HPS3: variants seen among roughly 807,000 people sequenced by gnomAD.
HPS3 encodes BLOC-2 complex member HPS3.
In HPS3, 79 loss-of-function variants were observed where a neutral mutation model predicts 110.9. The ratio of observed to expected loss-of-function variants is 0.71; its 90% CI spans 0.59 to 0.86. The LOEUF (loss-of-function observed/expected upper bound fraction) is 0.86, where lower values mean the gene tolerates loss of function less well. HPS3 is among the 40% of genes least tolerant of loss of function. HPS3 has a pLI of 0.00. For synonymous variants in HPS3, 428 were observed against 451.0 expected (o/e 0.95, Z 0.65); for missense variants, 1,197 against 1,206.2 (o/e 0.99, Z 0.11).
chr3:149,141,096 A>C lies in HPS3; in HGVS notation c.792A>C (p.Lys264Asn). ...CQKPLELLGE[K>N]SEQSGLSVTL... ...AGCCCCTGGAACTTCTTGGTGAAAA[A>C]AGTGAACAGTCTGGATTATCTGTTA... is the stretch of plus-strand genomic sequence containing the variant. The change falls in exon 3 of 17, where the codon AAA becomes AAC. Residue 264 changes from lysine (K) to asparagine (N), a missense_variant. By Grantham distance (94) the Lys-to-Asn change is moderately conservative. Transcript: ENST00000296051. 6.2e-7 allele frequency: 1 copy of C among 1,613,918 alleles called. No individual in the cohort carries two copies. Among genetic ancestry groups the C allele is most frequent in the Non-Finnish European group, 8.5e-7 (1 of 1,179,898 alleles).
At chr3:149,150,752 T>C in intron 6 of HPS3, 72 bp downstream of exon 6, 2 of 1,196,748 alleles carry the variant, frequency 1.7e-6, no homozygotes, top group Non-Finnish European at 2.5e-6. Context: ...GTAGATTTGC[T>C]CTCAGACCTA....
intron 8 of HPS3, among the ~76,000 whole-genome samples, chr3:149,156,683 A>G (rs1003352271): frequency 1.3e-5 from 2 of 151,216 alleles, no homozygotes; most frequent in African/African-American, 4.9e-5. Flanking sequence ...CTGTTCATCT[A>G]CCCCTCTTTG....
intron 16 of HPS3, chr3:149,170,687 A>G (rs1724887869): frequency 6.6e-6 from 1 of 152,224 alleles, no homozygotes; most frequent in Non-Finnish European, 1.5e-5. Context: ...CAACAAAGGC[A>G]GTTCATTCTT....
At chr3:149,160,354 G>A in intron 11 of HPS3, 75 bp downstream of exon 11, 1 of 961,348 alleles carries the variant, frequency 1.0e-6, no homozygotes, top group South Asian at 1.3e-5. Context: ...GCTGTCTTCT[G>A]GCTTCTTTCT....
In HPS3 at chr3:149,167,188, G is replaced by A. The variant is rs528838257; in HGVS notation, c.2744G>A (p.Cys915Tyr). The change falls in exon 15 of 17, where the codon TGC (cysteine) becomes TAC (tyrosine). Residue 915 changes from cysteine to tyrosine, a missense_variant. Transcript: ENST00000296051. ...TGCATAGACATACTGTTAGAGAGAT[G>A]CCCGGAGGCAGTCATTCCATATGCT... ...EQCIDILLER[C>Y]PEAVIPYANH... The A allele has an allele frequency of 5.0e-6, 8 of 1,613,886 alleles. No homozygotes were observed. In the South Asian group the frequency reaches 8.8e-5, roughly 18 times the overall value.
intron 16 of HPS3, among the ~76,000 whole-genome samples, chr3:149,170,908 C>A (rs891531655): frequency 9.9e-5 from 15 of 152,206 alleles, no homozygotes; most frequent in African/African-American, 3.6e-4. Context: ...CGGGAGAGGG[C>A]AGCATGTATC....
In HPS3 at chr3:149,167,168, A is replaced by G; in HGVS notation, c.2724A>G (p.Ile908Met). The G allele has an allele frequency of 6.2e-7, 1 of 1,613,330 alleles. No individual in the cohort carries two copies. Among genetic ancestry groups the G allele is most frequent in the East Asian group, 2.2e-5 (1 of 44,874 alleles). ...GCTTGAAAGAGTATGAACAGTGCAT[A>G]GACATACTGTTAGAGAGATGCCCGG... ...RTRLKEYEQC[I>M]DILLERCPEA... The change falls in exon 15 of 17, where the codon ATA (isoleucine) becomes ATG (methionine). Residue 908 changes from isoleucine (I) to methionine (M), a missense_variant. By Grantham distance (10) the Ile-to-Met change is conservative (BLOSUM62 1). Transcript: ENST00000296051.
At chr3:149,143,370 G>A (rs897086053) in intron 4 of HPS3, among the ~76,000 whole-genome samples, 1 of 152,120 alleles carries the variant, frequency 6.6e-6, no homozygotes, top group Non-Finnish European at 1.5e-5. Context: ...CATTCAGTTC[G>A]CAGCTGAAGT....
At chr3:149,169,378 G>A (rs1042941203) in intron 16 of HPS3, among the ~76,000 whole-genome samples, 3 of 152,146 alleles carry the variant, frequency 2.0e-5, no homozygotes, top group Non-Finnish European at 4.4e-5. Context: ...TTCTAATGTC[G>A]TGAGACTAAA....
intron 8 of HPS3, 67 bp downstream of exon 8, chr3:149,155,282 A>G: frequency 3.1e-6 from 3 of 954,294 alleles, no homozygotes; most frequent in Non-Finnish European, 3.4e-6. Context: ...TCAGAAATTG[A>G]TTCTAATTAT....
intron 5 of HPS3, among the ~76,000 whole-genome samples, chr3:149,145,914 C>CT (rs1241723774): frequency 1.3e-5 from 2 of 152,026 alleles, no homozygotes; most frequent in African/African-American, 4.8e-5. Context: ...CCATATTTTT[C>CT]TAGTATAAAT....
At chr3:149,155,976 A>G (rs955949690) in intron 8 of HPS3, among the ~76,000 whole-genome samples, 2 of 152,164 alleles carry the variant, frequency 1.3e-5, no homozygotes, top group African/African-American at 4.8e-5. Context: ...CAAGGCCACA[A>G]TGAGCTATGG....
intron 14 of HPS3, among the ~76,000 whole-genome samples, chr3:149,164,607 C>T (rs1006730391): frequency 1.3e-5 from 2 of 152,180 alleles, no homozygotes; most frequent in African/African-American, 4.8e-5. Flanking sequence ...TTTCTTTGGT[C>T]TTCCCAGTGT....
chr3:149,131,775 T>C (rs1269962397), intron 1 of HPS3, among the ~76,000 whole-genome samples: 2 of 152,236 alleles, frequency 1.3e-5, no homozygotes, highest in African/African-American at 4.8e-5. Flanking sequence ...GAAGCTGAGA[T>C]AGGCTGCACG....
In HPS3 at chr3:149,140,117, C is replaced by T; in HGVS notation, c.331C>T (p.His111Tyr). ...TCGTGTGTGTATCCGAATGATTGGG[C>T]ATAATGTGGAGGGACCATTCAGCAA... ...NSRVCIRMIG[H>Y]NVEGPFSKAF... is the part of the protein sequence containing the mutation. Residue 111 changes from histidine (H) to tyrosine (Y), a missense_variant, in exon 2 of 17, where the codon CAT (histidine) becomes TAT (tyrosine). By Grantham distance (83) the His-to-Tyr change is moderately conservative. Coordinates refer to ENST00000296051, the MANE Select transcript of HPS3 (RefSeq NM_032383.5). 1 of 1,613,492 alleles carries T rather than the reference C, an allele frequency of 6.2e-7. No homozygotes were observed. The highest frequency in any genetic ancestry group is 1.7e-4 in the Middle Eastern group (1 of 6,054).
chr3:149,166,105 T>C (rs181344133), intron 14 of HPS3: 5 of 429,278 alleles, frequency 1.2e-5, no homozygotes, highest in East Asian at 1.5e-4. Context: ...ATCTCATCTT[T>C]ATCCTGGAGA....
intron 5 of HPS3, among the ~76,000 whole-genome samples, chr3:149,148,282 A>AT (rs1244406483): frequency 6.6e-6 from 1 of 151,870 alleles, no homozygotes; most frequent in African/African-American, 2.4e-5. Context: ...AGCAATAGAG[A>AT]TTTTTTTAAG....
chr3:149,166,799 A>G (rs1296257898), intron 14 of HPS3, among the ~76,000 whole-genome samples: 2 of 152,224 alleles, frequency 1.3e-5, no homozygotes, highest in African/African-American at 4.8e-5. Flanking sequence ...AAATAAAATC[A>G]TGTTATTTAA....
At chr3:149,157,230 T>G in intron 8 of HPS3, 120 bp from the exon 9 acceptor site, 1 of 916,596 alleles carries the variant, frequency 1.1e-6, no homozygotes, top group Non-Finnish European at 1.7e-6. Flanking sequence ...TTTGTTTACT[T>G]TTAGGGTTTA....
Sources: gnomAD v4.1 joint callset for allele counts (sites outside exome capture counted in the v4.1 genomes callset) on GRCh38, gnomAD v4.1.1 for gene constraint, MANE v1.5 for transcripts, NCBI Gene and HGNC (gene_info 2026-07-23, HGNC 2026-07-21) for gene names.